Variants in CTNNA2 observed in about 807,000 individuals in gnomAD.
CTNNA2 encodes catenin alpha 2.
Under a neutral mutation model 101.0 loss-of-function variants are expected in CTNNA2, and 42 were observed. The ratio of observed to expected loss-of-function variants is 0.42; its 90% CI spans 0.32 to 0.54. CTNNA2 has a LOEUF of 0.54. Ranked by LOEUF, CTNNA2 falls within the 20% of genes least tolerant of loss-of-function variation. CTNNA2 has a pLI of 0.14. For synonymous variants in CTNNA2, 450 were observed against 456.4 expected (o/e 0.99, Z 0.18); for missense variants, 871 against 1,223.1 (o/e 0.71, Z 4.29).
chr2:79,505,599 C>T (rs1671394830), intron 5 of CTNNA2, among the ~76,000 whole-genome samples: 1 of 152,160 alleles, frequency 6.6e-6, no homozygotes, highest in Non-Finnish European at 1.5e-5. Context: ...CGGCAATGAG[C>T]TAAGGCCTGA....
intron 7 of CTNNA2, among the ~76,000 whole-genome samples, chr2:79,986,516 A>C (rs1691773892): frequency 6.6e-6 from 1 of 152,030 alleles, no homozygotes; most frequent in African/African-American, 2.4e-5. Context: ...AGCATTATAT[A>C]ATGCTGCACT....
chr2:79,353,412 C>T (rs1035119217), intron 3 of CTNNA2, among the ~76,000 whole-genome samples: 9 of 152,068 alleles, frequency 5.9e-5, no homozygotes, highest in South Asian at 2.1e-4. Flanking sequence ...GCCAAGGATG[C>T]GGACAATGTT....
At chr2:80,582,662 G>C (rs1695640637) in intron 14 of CTNNA2, among the ~76,000 whole-genome samples, 1 of 151,944 alleles carries the variant, frequency 6.6e-6, no homozygotes, top group Admixed American at 6.6e-5. Flanking sequence ...TCCCCTTAAG[G>C]GCTCAGTTTC....
At chr2:80,311,053 T>A (rs916228469) in intron 7 of CTNNA2, among the ~76,000 whole-genome samples, 18 of 151,704 alleles carry the variant, frequency 1.2e-4, no homozygotes, top group African/African-American at 3.4e-4. Context: ...TAAAATTCAA[T>A]CACCAGAGAT....
At chr2:79,288,672 GT>G (rs1675696342) in intron 2 of CTNNA2, among the ~76,000 whole-genome samples, 1 of 152,106 alleles carries the variant, frequency 6.6e-6, no homozygotes, top group Non-Finnish European at 1.5e-5. Context: ...TGGCTTTGGA[GT>G]TCCAACTGCT....
At chr2:80,186,306 TAGA>T in intron 7 of CTNNA2, among the ~76,000 whole-genome samples, 1 of 152,248 alleles carries the variant, frequency 6.6e-6, no homozygotes, top group East Asian at 1.9e-4. Flanking sequence ...AGCTCATGTA[TAGA>T]AGGACTCCAT....
intron 7 of CTNNA2, among the ~76,000 whole-genome samples, chr2:80,238,962 G>C (rs1224147362): frequency 6.6e-6 from 1 of 152,138 alleles, no homozygotes. Context: ...GAAGCTAATT[G>C]TTATAAAAAT....
chr2:79,815,675 G>C (rs1677433642), intron 3 of CTNNA2, among the ~76,000 whole-genome samples: 1 of 152,124 alleles, frequency 6.6e-6, no homozygotes, highest in Non-Finnish European at 1.5e-5. Context: ...TTATAGTATA[G>C]TTTGAAATCA....
intron 7 of CTNNA2, among the ~76,000 whole-genome samples, chr2:80,005,957 G>A (rs1422928225): frequency 6.6e-6 from 1 of 151,924 alleles, no homozygotes; most frequent in Non-Finnish European, 1.5e-5. Flanking sequence ...GCTTTGTATG[G>A]AGCAATATAA....
At chr2:79,369,171 C>A (rs1677814910) in intron 3 of CTNNA2, among the ~76,000 whole-genome samples, 1 of 152,106 alleles carries the variant, frequency 6.6e-6, no homozygotes, top group Non-Finnish European at 1.5e-5. Context: ...ATGTGAGAGG[C>A]CCTCAGTCAT....
chr2:80,378,446 C>T (rs1483205278), intron 7 of CTNNA2, among the ~76,000 whole-genome samples: 3 of 117,362 alleles, frequency 2.6e-5, no homozygotes, highest in East Asian at 5.3e-4. Flanking sequence ...TTGCAGTATA[C>T]ACACACACAC....
intron 9 of CTNNA2, among the ~76,000 whole-genome samples, chr2:80,505,531 T>C (rs1437776946): frequency 6.6e-6 from 1 of 152,248 alleles, no homozygotes; most frequent in Admixed American, 6.5e-5. Context: ...TTCTCAAAAC[T>C]GAAAGCCTAT....
At chr2:79,545,603 G>C (rs537664114) in intron 1 of CTNNA2, among the ~76,000 whole-genome samples, 2 of 152,254 alleles carry the variant, frequency 1.3e-5, no homozygotes, top group South Asian at 4.1e-4. Flanking sequence ...CATTTGTGTA[G>C]TTGGGGGATG....
intron 17 of CTNNA2, among the ~76,000 whole-genome samples, chr2:80,612,396 T>C (rs1698537267): frequency 6.6e-6 from 1 of 151,640 alleles, no homozygotes; most frequent in Non-Finnish European, 1.5e-5. Context: ...CCTGACACTG[T>C]CATATATTCA....
intron 9 of CTNNA2, among the ~76,000 whole-genome samples, chr2:80,499,521 A>T (rs1045463092): frequency 6.6e-6 from 1 of 152,026 alleles, no homozygotes; most frequent in Non-Finnish European, 1.5e-5. Flanking sequence ...AGCTATAGCT[A>T]ATTAAAACAA....
At chr2:80,520,800 G>A (rs187156864) in intron 9 of CTNNA2, among the ~76,000 whole-genome samples, 1 of 152,288 alleles carries the variant, frequency 6.6e-6, no homozygotes, top group Non-Finnish European at 1.5e-5. Context: ...GGCTGCACCT[G>A]CTTCCACATT....
At chr2:80,452,305 T>C (rs1559121907) in intron 9 of CTNNA2, among the ~76,000 whole-genome samples, 1 of 151,540 alleles carries the variant, frequency 6.6e-6, no homozygotes, top group East Asian at 1.9e-4. Flanking sequence ...AATCAACAAA[T>C]ATTCTTTGTG....
At chr2:80,505,031 C>T (rs1688158573) in intron 9 of CTNNA2, among the ~76,000 whole-genome samples, 1 of 152,198 alleles carries the variant, frequency 6.6e-6, no homozygotes, top group South Asian at 2.1e-4. Context: ...CATGGCTTGC[C>T]TTGGTGGCAT....
chr2:79,917,963 C>T (rs1049883852), intron 7 of CTNNA2, among the ~76,000 whole-genome samples: 2 of 152,104 alleles, frequency 1.3e-5, no homozygotes, highest in African/African-American at 2.4e-5. Flanking sequence ...ACATCCAGGC[C>T]CTGTGGGAAC....
Sources: allele counts gnomAD v4.1 joint callset (sites outside exome capture counted in the v4.1 genomes callset), GRCh38; gene constraint gnomAD v4.1.1; transcripts MANE v1.5; gene names NCBI Gene and HGNC (gene_info 2026-07-23, HGNC 2026-07-21).